The following PPARGC1A variants were observed in gnomAD, a reference collection of about 807,000 sequenced individuals.
The protein encoded by PPARGC1A is peroxisome proliferator-activated receptor gamma coactivator 1-alpha.
In PPARGC1A, 25 loss-of-function variants were observed where a neutral mutation model predicts 88.7. The observed-to-expected ratio is 0.28, with a 90% CI of 0.21 to 0.39. The LOEUF is 0.39. Ranked by LOEUF, PPARGC1A falls within the 10% of genes least tolerant of loss-of-function variation. The pLI is 1.00. For missense variants in PPARGC1A, 880 were observed against 968.7 expected (o/e 0.91, Z 1.22); for synonymous variants, 363 against 355.6 (o/e 1.02, Z -0.24).
the PPARGC1A span, among the ~76,000 whole-genome samples, chr4:24,354,839 A>G: frequency 6.6e-6 from 1 of 152,190 alleles, no homozygotes; most frequent in Non-Finnish European, 1.5e-5. Flanking sequence ...GTGAGCCAAG[A>G]TCACGCGACT....
chr4:24,230,677 C>T, the PPARGC1A span, among the ~76,000 whole-genome samples: 165 of 151,992 alleles, frequency 1.1e-3, no homozygotes, highest in African/African-American at 3.7e-3. Context: ...CTGAGCAGTG[C>T]GAAGAGAAAA....
At chr4:24,204,315 G>T in the PPARGC1A span, among the ~76,000 whole-genome samples, 1 of 152,190 alleles carries the variant, frequency 6.6e-6, no homozygotes, top group Admixed American at 6.5e-5. Context: ...ATCAGTGCTA[G>T]TTGGCTGCAC....
chr4:24,204,383 T>C, the PPARGC1A span, among the ~76,000 whole-genome samples: 1 of 152,004 alleles, frequency 6.6e-6, no homozygotes, highest in Non-Finnish European at 1.5e-5. Context: ...CCATTGTATC[T>C]CCAGCCTGGT....
the PPARGC1A span, among the ~76,000 whole-genome samples, chr4:24,179,457 A>C: frequency 2.0e-5 from 3 of 152,088 alleles, no homozygotes; most frequent in South Asian, 6.2e-4. Context: ...TCTGCGGCTC[A>C]AAAGGTCTTG....
intron 2 of PPARGC1A, among the ~76,000 whole-genome samples, chr4:23,832,960 GT>G (rs1393890376): frequency 6.6e-6 from 1 of 151,936 alleles, no homozygotes; most frequent in Non-Finnish European, 1.5e-5. Context: ...ATTCTACCTT[GT>G]TTTTGATTCA....
the PPARGC1A span, among the ~76,000 whole-genome samples, chr4:23,962,721 A>G: frequency 6.6e-6 from 1 of 152,188 alleles, no homozygotes; most frequent in South Asian, 2.1e-4. Flanking sequence ...TACAGATTAT[A>G]ACCTTGACTG....
chr4:23,986,535 G>A, the PPARGC1A span, among the ~76,000 whole-genome samples: 2 of 152,114 alleles, frequency 1.3e-5, no homozygotes, highest in Non-Finnish European at 2.9e-5. Context: ...TTTCCTGCAA[G>A]AGGTAGAAGC....
At chr4:24,156,903 TG>T in the PPARGC1A span, among the ~76,000 whole-genome samples, 1 of 152,160 alleles carries the variant, frequency 6.6e-6, no homozygotes, top group Non-Finnish European at 1.5e-5. Flanking sequence ...TGTTTCAAAA[TG>T]GCATTGTTAC....
chr4:24,085,772 G>A, the PPARGC1A span, among the ~76,000 whole-genome samples: 1 of 152,188 alleles, frequency 6.6e-6, no homozygotes, highest in Non-Finnish European at 1.5e-5. Context: ...CATCTACTCT[G>A]TGAAATTGTC....
chr4:24,004,996 CA>C, the PPARGC1A span, among the ~76,000 whole-genome samples: 1 of 152,004 alleles, frequency 6.6e-6, no homozygotes, highest in African/African-American at 2.4e-5. Flanking sequence ...AAGGGCTTTC[CA>C]AAAGGATTTA....
At chr4:23,890,988 G>A (rs1560524658), upstream of PPARGC1A, among the ~76,000 whole-genome samples, 1 of 152,120 alleles carries the variant, frequency 6.6e-6, no homozygotes, top group Non-Finnish European at 1.5e-5. Flanking sequence ...GCCCTGGGTT[G>A]TGTAGTTTGC....
chr4:23,894,851 C>T (rs7657071), upstream of PPARGC1A, among the ~76,000 whole-genome samples: 3 of 151,894 alleles, frequency 2.0e-5, no homozygotes, highest in African/African-American at 7.3e-5. Context: ...TGATGTTCAA[C>T]TCGGTTGTAT....
the PPARGC1A span, among the ~76,000 whole-genome samples, chr4:24,288,894 C>T: frequency 6.6e-6 from 1 of 152,158 alleles, no homozygotes; most frequent in Non-Finnish European, 1.5e-5. Context: ...CTGACCAAGA[C>T]TTGTACCTGA....
At chr4:23,834,330 T>C (rs1049241251) in intron 2 of PPARGC1A, among the ~76,000 whole-genome samples, 34 of 150,064 alleles carry the variant, frequency 2.3e-4, no homozygotes, top group African/African-American at 8.1e-4. Context: ...CACACACACA[T>C]ATATATAAAT....
intron 10 of PPARGC1A, among the ~76,000 whole-genome samples, chr4:23,812,452 C>G (rs1029461195): frequency 6.6e-6 from 1 of 151,946 alleles, no homozygotes. Context: ...GAACAAATAT[C>G]TGACTGAAAA....
the PPARGC1A span, among the ~76,000 whole-genome samples, chr4:24,057,813 T>C: frequency 6.6e-6 from 1 of 152,214 alleles, no homozygotes; most frequent in Non-Finnish European, 1.5e-5. Flanking sequence ...GTAGGCCCAG[T>C]GTGGTGGTGG....
the PPARGC1A span, among the ~76,000 whole-genome samples, chr4:24,010,898 T>C: frequency 6.6e-6 from 1 of 152,154 alleles, no homozygotes; most frequent in Non-Finnish European, 1.5e-5. Flanking sequence ...ATCTTGGTTT[T>C]AGAATGGCAG....
intron 7 of PPARGC1A, chr4:23,820,398 C>T (rs1722801740): frequency 5.1e-6 from 1 of 196,730 alleles, no homozygotes. Flanking sequence ...ACTATATATA[C>T]ATATACATAA....
At chr4:23,928,535 G>A in the PPARGC1A span, among the ~76,000 whole-genome samples, 5 of 152,100 alleles carry the variant, frequency 3.3e-5, no homozygotes, top group East Asian at 9.6e-4. Context: ...GTGGAAGACA[G>A]GGTGGGGATT....
Sources: gnomAD v4.1 joint callset for allele counts (sites outside exome capture counted in the v4.1 genomes callset) on GRCh38, gnomAD v4.1.1 for gene constraint, MANE v1.5 for transcripts, NCBI Gene and HGNC (gene_info 2026-07-23, HGNC 2026-07-21) for gene names.